MACROD2: variants seen among roughly 807,000 people sequenced by gnomAD.
MACROD2 encodes the protein ADP-ribose glycohydrolase MACROD2.
Under a neutral mutation model 70.4 loss-of-function variants are expected in MACROD2, and 36 were observed. The observed-to-expected ratio is 0.51, with a 90% CI of 0.39 to 0.68. The LOEUF is 0.68. Among genes scored for constraint, MACROD2 ranks in the 30% least tolerant of loss-of-function variants. The pLI is 0.00. For missense variants in MACROD2, 496 were observed against 538.4 expected (o/e 0.92, Z 0.78); for synonymous variants, 172 against 178.8 (o/e 0.96, Z 0.30).
chr20:14,288,975 A>G (rs6042653), intron 3 of MACROD2, among the ~76,000 whole-genome samples: 105,067 of 151,996 alleles, frequency 0.69, 36,920 homozygotes, highest in Non-Finnish European at 0.75. Flanking sequence ...GGCTCATGGG[A>G]CATATAAACA....
chr20:15,294,181 T>C (rs1020738160), intron 6 of MACROD2, among the ~76,000 whole-genome samples: 10 of 152,004 alleles, frequency 6.6e-5, no homozygotes, highest in African/African-American at 2.2e-4. Flanking sequence ...GCAACTTCTC[T>C]TGAAGACTTG....
At chr20:15,885,052 A>T (rs1251794832) in intron 9 of MACROD2, among the ~76,000 whole-genome samples, 1 of 152,148 alleles carries the variant, frequency 6.6e-6, no homozygotes, top group African/African-American at 2.4e-5. Flanking sequence ...AAGATTAAGC[A>T]TATGAATTTT....
At chr20:15,472,568 G>A (rs983730873) in intron 7 of MACROD2, among the ~76,000 whole-genome samples, 5 of 151,352 alleles carry the variant, frequency 3.3e-5, no homozygotes, top group African/African-American at 1.2e-4. Flanking sequence ...CTTAAATCCC[G>A]TTGCTCATAA....
intron 8 of MACROD2, among the ~76,000 whole-genome samples, chr20:15,747,727 T>A (rs566641833): frequency 6.6e-6 from 1 of 152,218 alleles, no homozygotes; most frequent in South Asian, 2.1e-4. Flanking sequence ...ACGGAGATGA[T>A]CATAGCATGT....
At chr20:15,714,720 TAATA>T (rs1304195936) in intron 8 of MACROD2, among the ~76,000 whole-genome samples, 10 of 152,306 alleles carry the variant, frequency 6.6e-5, no homozygotes, top group African/African-American at 2.2e-4. Flanking sequence ...AAATTTTTAC[TAATA>T]AATATGTGTC....
intron 4 of MACROD2, among the ~76,000 whole-genome samples, chr20:14,638,100 G>A (rs1360294397): frequency 6.6e-6 from 1 of 151,896 alleles, no homozygotes; most frequent in Non-Finnish European, 1.5e-5. Context: ...TTGATGTAGA[G>A]GGTGGTACAT....
intron 5 of MACROD2, among the ~76,000 whole-genome samples, chr20:14,797,703 C>T (rs569104827): frequency 4.6e-5 from 7 of 152,076 alleles, no homozygotes; most frequent in Non-Finnish European, 7.4e-5. Context: ...ATTTTTATTC[C>T]TGCACTGGGA....
At chr20:14,903,450 A>G (rs1478384428) in intron 5 of MACROD2, among the ~76,000 whole-genome samples, 1 of 152,190 alleles carries the variant, frequency 6.6e-6, no homozygotes, top group Non-Finnish European at 1.5e-5. Flanking sequence ...CAGAATTCTT[A>G]TTAATTCCTA....
At chr20:15,076,539 A>G (rs2075659424) in intron 5 of MACROD2, among the ~76,000 whole-genome samples, 1 of 152,128 alleles carries the variant, frequency 6.6e-6, no homozygotes, top group Non-Finnish European at 1.5e-5. Context: ...CATTACTATT[A>G]TTTAGCAACT....
At chr20:15,410,660 C>A (rs1455284911) in intron 6 of MACROD2, among the ~76,000 whole-genome samples, 1 of 152,088 alleles carries the variant, frequency 6.6e-6, no homozygotes, top group Non-Finnish European at 1.5e-5. Flanking sequence ...CTGTCACACA[C>A]ACACACACAC....
At chr20:14,180,809 A>G (rs1462611631) in intron 3 of MACROD2, among the ~76,000 whole-genome samples, 2 of 152,114 alleles carry the variant, frequency 1.3e-5, no homozygotes, top group African/African-American at 4.8e-5. Flanking sequence ...AAATTGCTCA[A>G]ATATTAGACA....
chr20:14,249,744 A>G (rs550198123), intron 3 of MACROD2, among the ~76,000 whole-genome samples: 2 of 152,210 alleles, frequency 1.3e-5, no homozygotes, highest in South Asian at 4.2e-4. Flanking sequence ...CTTCAGAGTG[A>G]TTTTGAGCTA....
Position 15,097,553 on chromosome 20 carries a change from C to T in MACROD2, c.419-132387C>T, listed in dbSNP as rs6079661. 2.6e-5 allele frequency among the ~76,000 whole-genome samples: 4 copies of T among 151,858 alleles called. No homozygotes were observed. In the South Asian group the frequency reaches 6.2e-4, roughly 24 times the overall value. ...ATTAGGGCAGATTAATGTAAAGTACCGTAAGAGTAATGTCCAAATAAAATG... is the reference window on the plus strand; with the variant it reads ...ATTAGGGCAGATTAATGTAAAGTACTGTAAGAGTAATGTCCAAATAAAATG... On this transcript the variant is annotated intron_variant, in intron 5 of 17. Coordinates refer to ENST00000684519, the MANE Select transcript of MACROD2 (RefSeq NM_001351661.2).
chr20:14,910,979 C>G (rs1478464752), intron 5 of MACROD2, among the ~76,000 whole-genome samples: 1 of 152,174 alleles, frequency 6.6e-6, no homozygotes, highest in African/African-American at 2.4e-5. Context: ...TGAAAAAATA[C>G]TATGTGTGAT....
Position 13,995,696 on chromosome 20 carries a change from C to A in MACROD2, c.-68C>A. The A allele has an allele frequency of 6.8e-7, 1 of 1,461,004 alleles. No homozygotes were observed. Among genetic ancestry groups the A allele is most frequent in the Non-Finnish European group, 9.6e-7 (1 of 1,043,568 alleles). The allele number at this position is 1,461,004 out of a possible 1,614,324, so 90.5% of individuals were successfully genotyped here. On this transcript the variant is annotated 5_prime_UTR_variant, in exon 1 of 18. Coordinates refer to ENST00000684519, the MANE Select transcript of MACROD2 (RefSeq NM_001351661.2). This position sits in a 1 kb window ranked among gnomAD's most constrained non-coding sequence, Gnocchi z 4.3. ...GTGCCCCCTCCCACCCCTCCCACTC[C>A]ACACACACCCTGTTTGCCCGTGAGC...
intron 8 of MACROD2, among the ~76,000 whole-genome samples, chr20:15,533,705 T>C (rs1399172143): frequency 2.0e-5 from 3 of 152,146 alleles, no homozygotes; most frequent in African/African-American, 7.2e-5. Context: ...TCATAGGCAC[T>C]CTATGGGCTG....
intron 4 of MACROD2, among the ~76,000 whole-genome samples, chr20:14,551,811 T>C (rs1217566525): frequency 6.6e-6 from 1 of 152,200 alleles, no homozygotes; most frequent in Non-Finnish European, 1.5e-5. Context: ...ACTTTCAATT[T>C]TGAATGGTGT....
At chr20:14,409,190 C>G (rs1247094370) in intron 3 of MACROD2, among the ~76,000 whole-genome samples, 1 of 143,134 alleles carries the variant, frequency 7.0e-6, no homozygotes, top group Non-Finnish European at 1.5e-5. Context: ...TAGTGCCATG[C>G]CAGGTAAGTG....
At position 14,843,526 on chromosome 20, in the gene MACROD2, T is replaced by A. The variant is rs552464054; in HGVS notation, c.418+158567T>A. The stretch of plus-strand genomic sequence containing the variant: ...CACTAGGTGAGCAAGGCAGGTAAAT[T>A]AAATCTGTCCTGTTGATGGACTGAA... On this transcript the variant is annotated intron_variant, in intron 5 of 17. Coordinates refer to ENST00000684519, the MANE Select transcript of MACROD2 (RefSeq NM_001351661.2). Among the ~76,000 whole-genome samples the A allele has an allele frequency of 1.8e-3, 269 of 152,246 alleles. 2 individuals are homozygous for A. The highest frequency in any genetic ancestry group is 3.0e-3 in the Non-Finnish European group (202 of 67,990).
Sources: gnomAD v4.1 joint callset for allele counts (sites outside exome capture counted in the v4.1 genomes callset) on GRCh38, gnomAD v4.1.1 for gene constraint, Gnocchi (gnomAD v3.1) non-coding constraint, MANE v1.5 for transcripts, NCBI Gene and HGNC (gene_info 2026-07-23, HGNC 2026-07-21) for gene names.